TAOK1: variants seen among roughly 807,000 people sequenced by gnomAD.
TAOK1 encodes the protein serine/threonine-protein kinase TAO1.
A neutral mutation model predicts 138.3 loss-of-function variants in TAOK1; 21 were observed. The observed-to-expected ratio is 0.15, with a 90% CI of 0.11 to 0.22. TAOK1 has a LOEUF of 0.22. Ranked by LOEUF, TAOK1 falls within the 10% of genes least tolerant of loss-of-function variation. The pLI, the probability that TAOK1 is intolerant of heterozygous loss-of-function variation, is 1.00. For synonymous variants in TAOK1, 361 were observed against 398.4 expected (o/e 0.91, Z 1.12); for missense variants, 651 against 1,227.7 (o/e 0.53, Z 7.02).
At chr17:29,517,431 G>A in intron 15 of TAOK1, 22 bp from the exon 16 acceptor site, 1 of 1,610,988 alleles carries the variant, frequency 6.2e-7, no homozygotes, top group Non-Finnish European at 8.5e-7. Flanking sequence ...ATTTTTACCT[G>A]AGTTGTTTTT....
At chr17:29,457,402 C>CTTT (rs769026325) in intron 2 of TAOK1, among the ~76,000 whole-genome samples, 799 of 76,578 alleles carry the variant, frequency 0.01, 16 homozygotes, top group East Asian at 0.021. Context: ...CACCCCAGGC[C>CTTT]TTTTTTTTTT....
Position 29,390,829 on chromosome 17 carries a change from C to T in TAOK1, c.-290C>T, listed in dbSNP as rs866016025. Reference sequence around the variant, plus strand: ...CGACCCCGGTCGTCCCCTCGCCCCCCCCCCCACCCCCCGCCGCCGCCGCCC... The same window carrying T: ...CGACCCCGGTCGTCCCCTCGCCCCCTCCCCCACCCCCCGCCGCCGCCGCCC... On this transcript the variant is annotated 5_prime_UTR_variant, in exon 1 of 20. Coordinates refer to ENST00000261716, the MANE Select transcript of TAOK1 (RefSeq NM_020791.4). 2.7e-5 allele frequency: 4 copies of T among 150,866 alleles called. No homozygotes were observed. Among genetic ancestry groups the T allele is most frequent in the African/African-American group, 4.8e-5 (2 of 41,258 alleles). 9.3% of individuals were successfully genotyped at this position (150,866 alleles called of 1,614,324 possible).
At chr17:29,401,070 C>T (rs184290999) in intron 1 of TAOK1, among the ~76,000 whole-genome samples, 8 of 151,874 alleles carry the variant, frequency 5.3e-5, no homozygotes, top group African/African-American at 9.7e-5. Context: ...CCACCACACC[C>T]GGCTAATTTT....
At chr17:29,423,152 C>T (rs1905509132) in intron 1 of TAOK1, among the ~76,000 whole-genome samples, 2 of 114,520 alleles carry the variant, frequency 1.7e-5, no homozygotes, top group African/African-American at 3.9e-5. Flanking sequence ...ATTTAATTTG[C>T]TCTTCCTTTT....
intron 5 of TAOK1, 69 bp from the exon 6 acceptor site, chr17:29,478,182 C>T: frequency 9.0e-7 from 1 of 1,108,162 alleles, no homozygotes; most frequent in South Asian, 1.8e-5. Context: ...AAAATTGCCC[C>T]ATGTATTAGA....
chr17:29,470,220 G>T (rs1012768652), intron 3 of TAOK1, among the ~76,000 whole-genome samples: 1 of 152,172 alleles, frequency 6.6e-6, no homozygotes, highest in Non-Finnish European at 1.5e-5. Flanking sequence ...TTAGGATGTG[G>T]CCTAAGTATT....
intron 17 of TAOK1, among the ~76,000 whole-genome samples, chr17:29,523,602 G>A (rs577237824): frequency 4.0e-4 from 61 of 152,144 alleles, no homozygotes; most frequent in African/African-American, 1.4e-3. Context: ...TAGCCAGGAT[G>A]GTCTCAATCT....
intron 1 of TAOK1, among the ~76,000 whole-genome samples, chr17:29,418,283 A>G (rs889680206): frequency 6.6e-6 from 1 of 152,230 alleles, no homozygotes; most frequent in Non-Finnish European, 1.5e-5. Flanking sequence ...TCCTGGGCTC[A>G]AGTGATCCTC....
intron 7 of TAOK1, among the ~76,000 whole-genome samples, chr17:29,481,986 AATAAATAC>A (rs2031074989): frequency 6.6e-6 from 1 of 152,034 alleles, no homozygotes. Flanking sequence ...ACAATAAATA[AATAAATAC>A]ATAAATCTCA....
chr17:29,517,235 G>A (rs540153465), intron 15 of TAOK1, among the ~76,000 whole-genome samples: 4 of 152,024 alleles, frequency 2.6e-5, no homozygotes, highest in South Asian at 2.1e-4. Flanking sequence ...TGATCTGCCC[G>A]CCTCAGCCTC....
chr17:29,473,005 G>A (rs2030861922), intron 3 of TAOK1, among the ~76,000 whole-genome samples: 2 of 152,194 alleles, frequency 1.3e-5, no homozygotes, highest in Admixed American at 1.3e-4. Flanking sequence ...GAGTTCTTGG[G>A]TGGCTAGGTA....
chr17:29,430,804 G>A (rs1022560072), intron 1 of TAOK1, among the ~76,000 whole-genome samples: 12 of 152,074 alleles, frequency 7.9e-5, no homozygotes, highest in Non-Finnish European at 1.2e-4. Context: ...ATGCTGATTT[G>A]GGGCTTAGTC....
chr17:29,415,827 G>A (rs1279769676), intron 1 of TAOK1, among the ~76,000 whole-genome samples: 1 of 152,178 alleles, frequency 6.6e-6, no homozygotes, highest in Non-Finnish European at 1.5e-5. Flanking sequence ...GAAAGCAAGT[G>A]TTTAAGAACC....
At chr17:29,468,940 A>C (rs1002624431) in intron 3 of TAOK1, among the ~76,000 whole-genome samples, 2 of 152,226 alleles carry the variant, frequency 1.3e-5, no homozygotes, top group African/African-American at 2.4e-5. Flanking sequence ...AGAAACGAGC[A>C]ATGTATAACA....
At chr17:29,518,710 A>G (rs1054587555) in intron 16 of TAOK1, among the ~76,000 whole-genome samples, 13 of 151,120 alleles carry the variant, frequency 8.6e-5, no homozygotes, top group East Asian at 3.8e-4. Flanking sequence ...CAATCCACAA[A>G]TGAAAAATTT....
At chr17:29,531,022 C>T (rs1398352934) in intron 18 of TAOK1, among the ~76,000 whole-genome samples, 18 of 125,520 alleles carry the variant, frequency 1.4e-4, no homozygotes, top group Middle Eastern at 7.1e-3. Context: ...AGTCCAGTGG[C>T]GCGATCTCGG....
At chr17:29,540,766 C>T (rs11871634) in intron 19 of TAOK1, among the ~76,000 whole-genome samples, 5,633 of 150,602 alleles carry the variant, frequency 0.037, 369 homozygotes, top group African/African-American at 0.13. Flanking sequence ...GACGGGGTTT[C>T]TCCATGTTGG....
At chr17:29,459,990 A>G (rs192175738) in intron 2 of TAOK1, among the ~76,000 whole-genome samples, 1 of 152,238 alleles carries the variant, frequency 6.6e-6, no homozygotes, top group Non-Finnish European at 1.5e-5. Context: ...TTTCATTGTT[A>G]TATTGGAAAG....
intron 18 of TAOK1, among the ~76,000 whole-genome samples, chr17:29,530,993 A>T (rs1325722794): frequency 2.1e-5 from 1 of 46,602 alleles, no homozygotes; most frequent in African/African-American, 1.5e-4. Flanking sequence ...ACGGAGTCTC[A>T]CTCTGTCACC....
Sources: allele counts gnomAD v4.1 joint callset (sites outside exome capture counted in the v4.1 genomes callset), GRCh38; gene constraint gnomAD v4.1.1; transcripts MANE v1.5; gene names NCBI Gene and HGNC (gene_info 2026-07-23, HGNC 2026-07-21).